Variants in SACS observed in about 807,000 individuals in gnomAD.
SACS encodes sacsin molecular chaperone, also known as sacsin.
Under a neutral mutation model 348.0 loss-of-function variants are expected in SACS, and 197 were observed. The ratio of observed to expected loss-of-function variants is 0.57; its 90% CI spans 0.50 to 0.64. SACS has a LOEUF of 0.64. SACS is among the 30% of genes least tolerant of loss of function. SACS has a pLI of 0.00. For synonymous variants in SACS, 1,985 were observed against 1,910.6 expected, an observed-to-expected ratio of 1.04 and a Z score of -1.02; for missense variants, 4,999 against 5,360.8, an observed-to-expected ratio of 0.93 and a Z score of 2.11.
chr13:23,363,666 C>T (rs1870884594), intron 6 of SACS, among the ~76,000 whole-genome samples: 1 of 152,186 alleles, frequency 6.6e-6, no homozygotes, highest in Non-Finnish European at 1.5e-5. Context: ...ATAGGCTCTC[C>T]TTACACTCTT....
At chr13:23,405,193 G>A (rs1051947254) in intron 2 of SACS, among the ~76,000 whole-genome samples, 3 of 152,122 alleles carry the variant, frequency 2.0e-5, no homozygotes, top group Non-Finnish European at 4.4e-5. Flanking sequence ...AAACAGCATG[G>A]TACTGGTACC....
chr13:23,387,825 T>C (rs1485678365), intron 2 of SACS, among the ~76,000 whole-genome samples: 1 of 152,184 alleles, frequency 6.6e-6, no homozygotes, highest in Non-Finnish European at 1.5e-5. Context: ...ATCCAGAGAA[T>C]ATGGCGGTGA....
rs575556786 is a variant in SACS at position 23,358,429 on chromosome 13, G to A, written c.510C>T (p.His170=). The A allele has an allele frequency of 1.1e-5, 18 of 1,614,020 alleles. No homozygotes were observed. Among genetic ancestry groups the A allele is most frequent in the South Asian group, 2.2e-5 (2 of 91,074 alleles). Residue 170 remains histidine (H), a synonymous_variant, in exon 7 of 10, where the codon CAC becomes CAT. Transcript: ENST00000382292. ...TGCTTCTTGCTATTTCTTGAATGCC[G>A]TGCCAGTCCTCTGGGGTGAAAACCG... ...NNAVFTPEDW[H]GIQEIARSRK...
At position 23,341,594 on chromosome 13, in the gene SACS, A is replaced by G; in HGVS notation, c.2282T>C (p.Ile761Thr). ...TTCATCAAATGGATACCATTGAACA[A>G]TCAATTCTCTGCCAGGCCAGAATGT... Reference protein sequence around the residue: ...MNTFWPGRELIVQWYPFDENR... With the variant: ...MNTFWPGRELTVQWYPFDENR... Residue 761 changes from isoleucine to threonine, a missense_variant, in exon 10 of 10, where the codon ATT (isoleucine) becomes ACT (threonine). By Grantham distance (89) the Ile-to-Thr change is moderately conservative. Coordinates refer to ENST00000382292, the MANE Select transcript of SACS (RefSeq NM_014363.6). 1 of 1,613,974 alleles carries G rather than the reference A, an allele frequency of 6.2e-7. No individual in the cohort carries two copies. Among genetic ancestry groups the G allele is most frequent in the African/African-American group, 1.3e-5 (1 of 75,036 alleles).
chr13:23,393,383 C>G (rs1210851328), intron 2 of SACS, among the ~76,000 whole-genome samples: 2 of 152,192 alleles, frequency 1.3e-5, no homozygotes, highest in Admixed American at 6.5e-5. Context: ...CTTCTTTGGG[C>G]CCTGGCTCTG....
Position 23,335,581 on chromosome 13 carries a change from T to C in SACS, c.8295A>G (p.Val2765=), listed in dbSNP as rs2137593329. Residue 2765 remains valine, a synonymous_variant, in exon 10 of 10, where the codon GTA becomes GTG. Transcript: ENST00000382292. This position sits in a 1 kb window ranked among gnomAD's most constrained non-coding sequence, Gnocchi z 4.7. ...STGALNVLYS[V]KGKITDGDRL... ...TGTCTCCATCTGTGATTTTGCCCTT[T>C]ACTGAATACAGCACATTTAGAGCTC... 6.2e-7 allele frequency: 1 copy of C among 1,613,824 alleles called. No homozygotes were observed. Among genetic ancestry groups the C allele is most frequent in the Non-Finnish European group, 8.5e-7 (1 of 1,179,898 alleles).
chr13:23,338,931 T>C lies in SACS; in HGVS notation c.4945A>G (p.Arg1649Gly). ...YNGTLFRLSF[R>G]TQQEAKVSEV... ...CTCACTTTTGCTTCCTGTTGAGTTCTAAAGGACAGTCGGAAAAGGGTTCCA... is the reference window on the plus strand; with the variant it reads ...CTCACTTTTGCTTCCTGTTGAGTTCCAAAGGACAGTCGGAAAAGGGTTCCA... Residue 1649 changes from arginine to glycine, a missense_variant, in exon 10 of 10, where the codon AGA (arginine) becomes GGA (glycine). Transcript: ENST00000382292. The C allele has an allele frequency of 6.2e-7, 1 of 1,613,748 alleles. No individual in the cohort carries two copies. Among genetic ancestry groups the C allele is most frequent in the East Asian group, 2.2e-5 (1 of 44,866 alleles).
At chr13:23,397,537 TTTTC>T (rs1872756982) in intron 2 of SACS, among the ~76,000 whole-genome samples, 1 of 152,154 alleles carries the variant, frequency 6.6e-6, no homozygotes, top group African/African-American at 2.4e-5. Context: ...TTTAAAAAGG[TTTTC>T]TTTATCTTTT....
intron 1 of SACS, among the ~76,000 whole-genome samples, chr13:23,429,949 T>C (rs1425193509): frequency 6.6e-6 from 1 of 152,102 alleles, no homozygotes; most frequent in Non-Finnish European, 1.5e-5. Flanking sequence ...GGCTCACGCC[T>C]GTAATCCCAG....
chr13:23,354,488 T>G (rs776806671), intron 8 of SACS, 31 bp downstream of exon 8: 24 of 1,594,382 alleles, frequency 1.5e-5, no homozygotes, highest in Non-Finnish European at 2.0e-5. Context: ...ACCCTAAGAG[T>G]GAACAGGAAT....
chr13:23,376,446 C>G (rs958222573), intron 2 of SACS, among the ~76,000 whole-genome samples: 3 of 151,510 alleles, frequency 2.0e-5, no homozygotes, highest in East Asian at 3.9e-4. Flanking sequence ...AACAAGTAAA[C>G]TTGTGTGCTC....
At chr13:23,351,837 A>G (rs1360644090) in intron 9 of SACS, among the ~76,000 whole-genome samples, 1 of 152,198 alleles carries the variant, frequency 6.6e-6, no homozygotes, top group East Asian at 1.9e-4. Context: ...TAGTGTCACA[A>G]TGCCAAGAAA....
intron 7 of SACS, 74 bp from the exon 8 acceptor site, chr13:23,356,081 T>G: frequency 7.8e-7 from 1 of 1,278,916 alleles, no homozygotes; most frequent in Non-Finnish European, 1.1e-6. Context: ...ATAATAAATA[T>G]ATGAAAAAGC....
chr13:23,337,642 G>C lies in SACS; in HGVS notation c.6234C>G (p.Ile2078Met). Residue 2078 changes from isoleucine to methionine, a missense_variant, in exon 10 of 10, where the codon ATC becomes ATG. Ile to Met is a conservative substitution (Grantham distance 10). This residue lies in a region of SACS where 3,156 missense variants were observed against 3,380.1 expected (regional missense o/e 0.93). Transcript: ENST00000382292. The part of the protein sequence containing the change: ...IEAELRDPLM[I>M]FVLNEKVDEF... ...CATCAACTTTTTCATTTAGAACAAA[G>C]ATCATTAAAGGATCTCTAAGTTCTG... The C allele has an allele frequency of 1.2e-6, 2 of 1,613,662 alleles. No individual in the cohort carries two copies. The highest frequency in any genetic ancestry group is 1.7e-6 in the Non-Finnish European group (2 of 1,179,878).
At chr13:23,406,443 G>A (rs143924540) in intron 2 of SACS, among the ~76,000 whole-genome samples, 124 of 152,174 alleles carry the variant, frequency 8.1e-4, no homozygotes, top group African/African-American at 2.8e-3. Context: ...ACAGATTGAT[G>A]GGTGCAGCAA....
intron 3 of SACS, 35 bp downstream of exon 3, chr13:23,375,084 C>A: frequency 6.9e-7 from 1 of 1,454,226 alleles, no homozygotes; most frequent in South Asian, 1.4e-5. Flanking sequence ...CTCCGCGTGG[C>A]GGAGCCCAGC....
Position 23,354,748 on chromosome 13 carries a change from G to A in SACS, c.1864C>T (p.Pro622Ser), listed in dbSNP as rs751931256. The part of the protein sequence containing the change: ...VQLTAASGTT[P>S]VRKVTPAWVR... ...CACGCGGGCGTCACCTTCCTCACAG[G>A]TGTTGTGCCAGAGGCAGCTGTGAGC... is the stretch of plus-strand genomic sequence containing the variant. Residue 622 changes from proline (P) to serine (S), a missense_variant, in exon 8 of 10, where the codon CCT becomes TCT. Physicochemically the swap from Pro to Ser is moderately conservative, Grantham distance 74. This residue lies in a region of SACS where 3,156 missense variants were observed against 3,380.1 expected (regional missense o/e 0.93). Coordinates refer to ENST00000382292, the MANE Select transcript of SACS (RefSeq NM_014363.6). 1.1e-5 allele frequency: 17 copies of A among 1,613,780 alleles called. 1 individual carries two copies. In the South Asian group the frequency reaches 1.8e-4, roughly 17 times the overall value.
rs370677124 is a variant in SACS at position 23,341,422 on chromosome 13, A to G, written c.2454T>C (p.Ile818=). Residue 818 remains isoleucine (I), a synonymous_variant, in exon 10 of 10, where the codon ATT becomes ATC. Coordinates refer to ENST00000382292, the MANE Select transcript of SACS (RefSeq NM_014363.6). ...LEEGQTCVEL[I]RLRIPSLVIL... ...TGACTAACGATGGAATCCTGAGTCT[A>G]ATGAGTTCCACACATGTCTGACCTT... 13 of 1,613,830 alleles carry G rather than the reference A, an allele frequency of 8.1e-6. No individual in the cohort carries two copies. In the African/African-American group the frequency reaches 1.6e-4, roughly 20 times the overall value.
chr13:23,329,668 A>G lies in SACS; in HGVS notation c.*468T>C, dbSNP rs1246271914. 2 of 528,066 alleles carry G rather than the reference A, an allele frequency of 3.8e-6. No homozygotes were observed. Among genetic ancestry groups the G allele is most frequent in the African/African-American group, 3.9e-5 (2 of 50,934 alleles). 32.7% of individuals were successfully genotyped at this position (528,066 alleles called of 1,614,324 possible). ...TTCATGATCAGAGCCAGCTGATGAG[A>G]AAATAACGCATCCAAGAGGATCCAC... On this transcript the variant is annotated 3_prime_UTR_variant, in exon 10 of 10. Transcript: ENST00000382292.
Sources: gnomAD v4.1 joint callset for allele counts (sites outside exome capture counted in the v4.1 genomes callset) on GRCh38, gnomAD v4.1.1 for gene constraint, gnomAD v4.1.1 regional missense constraint, Gnocchi (gnomAD v3.1) non-coding constraint, MANE v1.5 for transcripts, NCBI Gene and HGNC (gene_info 2026-07-23, HGNC 2026-07-21) for gene names.